The following GABRA3 variants were observed in gnomAD, a reference collection of about 807,000 sequenced individuals.
GABRA3 encodes the protein gamma-aminobutyric acid receptor subunit alpha-3.
GABRA3 carries 10 observed loss-of-function variants against 30.1 expected under a neutral mutation model. The ratio of observed to expected loss-of-function variants is 0.33; its 90% confidence interval spans 0.20 to 0.56. The LOEUF (loss-of-function observed/expected upper bound fraction) is 0.56, where lower values mean the gene tolerates loss of function less well. Ranked by LOEUF, GABRA3 falls within the 20% of genes least tolerant of loss-of-function variation. GABRA3 has a pLI of 0.89. For synonymous variants in GABRA3, 151 were observed against 146.8 expected (o/e 1.03, Z -0.21); for missense variants, 233 against 392.0 (o/e 0.59, Z 3.42).
At chrX:152,278,909 T>G (rs1939143234) in intron 4 of GABRA3, among the ~76,000 whole-genome samples, 1 of 112,379 alleles carries the variant, frequency 8.9e-6, no homozygotes, top group African/African-American at 3.2e-5. Context: ...AAATGTCTTC[T>G]TTTGAGAAGT....
chrX:152,327,839 A>C (rs1355048004), intron 3 of GABRA3, among the ~76,000 whole-genome samples: 2 of 111,884 alleles, frequency 1.8e-5, no homozygotes, highest in Admixed American at 1.9e-4. Flanking sequence ...GAAGGCAAGA[A>C]ATAACTAAGA....
rs1169055590 is a variant in GABRA3 at position 152,214,999 on chromosome X, C to CAT, written c.635-6857_635-6856dup. 3.7e-4 allele frequency among the ~76,000 whole-genome samples: 39 copies of CAT among 105,554 alleles called. No individual in the cohort carries two copies. In the East Asian group the frequency reaches 7.3e-3, roughly 20 times the overall value. The allele number at this position is 105,554 out of a possible 115,157, so 91.7% of individuals were successfully genotyped here. Reference sequence around the variant, plus strand: ...GGATATATGTATACACACACACACACATATATATATACACACACATATATG... The same window carrying CAT: ...GGATATATGTATACACACACACACACATATATATATATACACACACATATATG... On this transcript the variant is annotated intron_variant, in intron 6 of 9. Coordinates refer to ENST00000370314, the MANE Select transcript of GABRA3 (RefSeq NM_000808.4).
chrX:152,393,876 G>A (rs1051165380), intron 1 of GABRA3, among the ~76,000 whole-genome samples: 1 of 111,623 alleles, frequency 9.0e-6, no homozygotes, highest in East Asian at 2.8e-4. Context: ...AGATGGCAAC[G>A]ATTCAAATGA....
At chrX:152,439,923 G>C (rs1215791949) in intron 1 of GABRA3, among the ~76,000 whole-genome samples, 1 of 111,609 alleles carries the variant, frequency 9.0e-6, no homozygotes, top group African/African-American at 3.3e-5. Flanking sequence ...AAAATTCCTA[G>C]AAGAAAACCT....
Position 152,170,328 on chromosome X carries a change from T to A in GABRA3, c.1144-1765A>T, listed in dbSNP as rs1353053699. Among the ~76,000 whole-genome samples the A allele has an allele frequency of 3.8e-4, 43 of 112,079 alleles. 2 individuals are homozygous for A. On this transcript the variant is annotated intron_variant, in intron 9 of 9. Coordinates refer to ENST00000370314, the MANE Select transcript of GABRA3 (RefSeq NM_000808.4). ...GGCCAAGGACACTTTATTTATTTATTTTAGAGACATGGGTCTTGCTCTGTC... is the reference window on the plus strand; with the variant it reads ...GGCCAAGGACACTTTATTTATTTATATTAGAGACATGGGTCTTGCTCTGTC...
rs778744135 is a variant in GABRA3, at chrX:152,239,786, A to G, written c.552-14941T>C. The stretch of plus-strand genomic sequence containing the variant: ...TCTCTTTTGATCTTTGTTGGTTTCA[A>G]GTCTGTTTTATCAGAGACGAGGATT... On this transcript the variant is annotated intron_variant, in intron 5 of 9. Coordinates refer to ENST00000370314, the MANE Select transcript of GABRA3 (RefSeq NM_000808.4). Among the ~76,000 whole-genome samples, 5 of 104,823 alleles carry G rather than the reference A, an allele frequency of 4.8e-5. No homozygotes were observed. In the East Asian group the frequency reaches 1.6e-3, roughly 34 times the overall value. The allele number at this position is 104,823 out of a possible 115,157, so 91.0% of individuals were successfully genotyped here.
At chrX:152,357,120 C>G (rs1940562271) in intron 2 of GABRA3, among the ~76,000 whole-genome samples, 1 of 111,367 alleles carries the variant, frequency 9.0e-6, no homozygotes, top group Admixed American at 9.5e-5. Context: ...TAATGGGATG[C>G]CTGGGTCAAA....
chrX:152,185,998 T>C (rs1937247960), intron 9 of GABRA3, among the ~76,000 whole-genome samples: 1 of 111,783 alleles, frequency 8.9e-6, no homozygotes, highest in Non-Finnish European at 1.9e-5. Flanking sequence ...AAATCCTCTT[T>C]GATTCCTAAT....
chrX:152,397,089 G>T (rs1053610623), intron 1 of GABRA3, among the ~76,000 whole-genome samples: 1 of 111,490 alleles, frequency 9.0e-6, no homozygotes, highest in African/African-American at 3.3e-5. Flanking sequence ...TGAGCCAAAG[G>T]CCATGGTGCA....
chrX:152,305,007 T>C (rs1333545775), intron 3 of GABRA3, among the ~76,000 whole-genome samples: 1 of 111,801 alleles, frequency 8.9e-6, no homozygotes. Context: ...AGCAAGCAAT[T>C]TTATTCTCAT....
intron 1 of GABRA3, among the ~76,000 whole-genome samples, chrX:152,432,055 C>G (rs1052835569): frequency 9.0e-6 from 1 of 111,508 alleles, no homozygotes; most frequent in Non-Finnish European, 1.9e-5. Context: ...GTAAGTGGCA[C>G]TGATATGGTC....
At chrX:152,313,564 A>G (rs913235082) in intron 3 of GABRA3, among the ~76,000 whole-genome samples, 5 of 111,708 alleles carry the variant, frequency 4.5e-5, no homozygotes, top group African/African-American at 1.6e-4. Flanking sequence ...CAGTACCTCC[A>G]TTACTGGCCT....
chrX:152,209,920 T>C (rs188359665), intron 6 of GABRA3, among the ~76,000 whole-genome samples: 3 of 112,539 alleles, frequency 2.7e-5, no homozygotes, highest in Non-Finnish European at 1.9e-5. Flanking sequence ...GCCTTGTATA[T>C]AGTCTCAGTC....
At chrX:152,251,082 C>A in intron 5 of GABRA3, 1 of 322,478 alleles carries the variant, frequency 3.1e-6, no homozygotes, top group Non-Finnish European at 6.1e-6. Context: ...GAGCCTATGT[C>A]TCCCTCCAGG....
At chrX:152,229,126 C>G (rs922332589) in intron 5 of GABRA3, among the ~76,000 whole-genome samples, 3 of 111,352 alleles carry the variant, frequency 2.7e-5, no homozygotes, top group Admixed American at 9.6e-5. Context: ...CTTTCTCCCT[C>G]TTCATGGATT....
chrX:152,429,477 G>C (rs1177194389), intron 1 of GABRA3, among the ~76,000 whole-genome samples: 1 of 111,086 alleles, frequency 9.0e-6, no homozygotes, highest in African/African-American at 3.3e-5. Context: ...CTGCTCTTGA[G>C]GGAAAGACTA....
intron 5 of GABRA3, among the ~76,000 whole-genome samples, chrX:152,245,239 G>A (rs1321741791): frequency 2.7e-5 from 3 of 111,097 alleles, no homozygotes; most frequent in African/African-American, 9.8e-5. Context: ...CTCTCTCTAA[G>A]GACAAATAAC....
At chrX:152,229,885 TA>T (rs1938034488) in intron 5 of GABRA3, among the ~76,000 whole-genome samples, 1 of 111,290 alleles carries the variant, frequency 9.0e-6, no homozygotes, top group Non-Finnish European at 1.9e-5. Flanking sequence ...AGATGAAGTC[TA>T]AAACTGCTTT....
intron 3 of GABRA3, among the ~76,000 whole-genome samples, chrX:152,336,573 G>A (rs1219454694): frequency 8.9e-6 from 1 of 111,738 alleles, no homozygotes. Flanking sequence ...CTGCCTTTAT[G>A]TAAGTTTGGT....
Sources: allele counts gnomAD v4.1 joint callset (sites outside exome capture counted in the v4.1 genomes callset), GRCh38; gene constraint gnomAD v4.1.1; transcripts MANE v1.5; gene names NCBI Gene and HGNC (gene_info 2026-07-23, HGNC 2026-07-21).